The following GRK3 variants were observed in gnomAD, a reference collection of about 807,000 sequenced individuals.
The protein encoded by GRK3 is G protein-coupled receptor kinase 3.
A neutral mutation model predicts 95.7 loss-of-function variants in GRK3; 54 were observed. That is an observed-to-expected ratio of 0.56 (90% CI 0.45 to 0.71). The LOEUF is 0.71. Ranked by LOEUF, GRK3 falls within the 30% of genes least tolerant of loss-of-function variation. GRK3 has a pLI of 0.00. For synonymous variants in GRK3, 281 were observed against 290.8 expected (o/e 0.97, Z 0.34); for missense variants, 649 against 851.2 (o/e 0.76, Z 2.96).
rs1033137247 is a variant in GRK3 at position 25,723,830 on chromosome 22, T to A, written c.*1380T>A. 1 of 152,200 alleles carries A rather than the reference T, an allele frequency of 6.6e-6. No homozygotes were observed. Among genetic ancestry groups the A allele is most frequent in the Admixed American group, 6.5e-5 (1 of 15,278 alleles). The allele number at this position is 152,200 out of a possible 1,614,324, so 9.4% of individuals were successfully genotyped here. ...GATATTTTTAGCAGTTCCAAATCTT[T>A]GTTTTTGTATTTGTTTGCTGTGTTC... On this transcript the variant is annotated 3_prime_UTR_variant, in exon 21 of 21. Coordinates refer to ENST00000324198, the MANE Select transcript of GRK3 (RefSeq NM_005160.4).
chr22:25,686,129 G>A (rs892882120), intron 10 of GRK3, among the ~76,000 whole-genome samples: 1 of 151,844 alleles, frequency 6.6e-6, no homozygotes, highest in Non-Finnish European at 1.5e-5. Flanking sequence ...GGCTGAGGCA[G>A]GAGAATGGTG....
intron 1 of GRK3, among the ~76,000 whole-genome samples, chr22:25,584,933 C>A (rs1460298489): frequency 6.6e-6 from 1 of 152,292 alleles, no homozygotes; most frequent in Non-Finnish European, 1.5e-5. Context: ...CACGTCCAGG[C>A]CACACCACAG....
At chr22:25,662,739 G>A (rs1004323440) in intron 4 of GRK3, among the ~76,000 whole-genome samples, 2 of 152,158 alleles carry the variant, frequency 1.3e-5, no homozygotes, top group Admixed American at 1.3e-4. Context: ...AATGCCAGAT[G>A]TTCAATGGGA....
In GRK3 at chr22:25,565,031, G is replaced by A. The variant is rs1299007440; in HGVS notation, c.-10G>A. The A allele has an allele frequency of 1.5e-6, 2 of 1,372,996 alleles. No individual in the cohort carries two copies. The highest frequency in any genetic ancestry group is 1.9e-6 in the Non-Finnish European group (2 of 1,039,150). The allele number at this position is 1,372,996 out of a possible 1,614,324, so 85.1% of individuals were successfully genotyped here. On this transcript the variant is annotated 5_prime_UTR_variant, in exon 1 of 21. Transcript: ENST00000324198. Reference sequence around the variant, plus strand: ...AGTAACCGCCGCCGCCGCCGCCAAAGCTCGCCAACATGGCGGACCTGGAGG... The same window carrying A: ...AGTAACCGCCGCCGCCGCCGCCAAAACTCGCCAACATGGCGGACCTGGAGG...
rs1229955093 is a variant in GRK3, at chr22:25,680,917, T to TTCAC, written c.747+2007_747+2010dup. Among the ~76,000 whole-genome samples, 170 of 152,124 alleles carry TTCAC rather than the reference T, an allele frequency of 1.1e-3. 3 individuals are homozygous for TTCAC. Among genetic ancestry groups the TTCAC allele is most frequent in the Non-Finnish European group, 1.8e-4 (12 of 68,002 alleles). ...ATTGTGGACATGTAACTGAAATGCA[T>TTCAC]TCACTCACCACAGTTTTCTTTTTAC... is the stretch of plus-strand genomic sequence containing the variant. On this transcript the variant is annotated intron_variant, in intron 9 of 20. Transcript: ENST00000324198.
At chr22:25,712,766 A>G (rs552648782) in intron 17 of GRK3, among the ~76,000 whole-genome samples, 1 of 152,336 alleles carries the variant, frequency 6.6e-6, no homozygotes, top group South Asian at 2.1e-4. Flanking sequence ...CATATAGTCA[A>G]TGCTTGACAA....
chr22:25,713,878 A>C lies in GRK3; in HGVS notation c.1492-530A>C, dbSNP rs139878102. Among the ~76,000 whole-genome samples, 142 of 152,280 alleles carry C rather than the reference A, an allele frequency of 9.3e-4. No individual in the cohort carries two copies. The East Asian group carries it at 0.026, about 28-fold the overall frequency. ...CATATGATTATGATGTCAAACTGTA[A>C]ATAGTTGGAAGGTTCATGGAATTAA... On this transcript the variant is annotated intron_variant, in intron 17 of 20. Transcript: ENST00000324198.
At chr22:25,700,332 C>G (rs2085248416) in intron 13 of GRK3, among the ~76,000 whole-genome samples, 1 of 151,878 alleles carries the variant, frequency 6.6e-6, no homozygotes, top group Non-Finnish European at 1.5e-5. Context: ...TGATCTTCAC[C>G]TAGATTTAAG....
rs1012111728 is a variant in GRK3, at chr22:25,677,801, C to T, written c.648-1015C>T. On this transcript the variant is annotated intron_variant, in intron 8 of 20. Coordinates refer to ENST00000324198, the MANE Select transcript of GRK3 (RefSeq NM_005160.4). ...ACACAAGAACTTTCAGCCTGTGAAA[C>T]GTGTGAAAACACTTGCAAGAATTCC... Among the ~76,000 whole-genome samples, 4 of 152,182 alleles carry T rather than the reference C, an allele frequency of 2.6e-5. No individual in the cohort carries two copies. In the East Asian group the frequency reaches 7.7e-4, roughly 29 times the overall value.
intron 13 of GRK3, among the ~76,000 whole-genome samples, chr22:25,698,192 GGGAAGGAGGAAGGGAGGGAA>G (rs1456358107): frequency 1.3e-5 from 2 of 149,070 alleles, no homozygotes; most frequent in East Asian, 2.0e-4. Context: ...GAGAAAGAAA[GGGAAGGAGGAAGGGAGGGAA>G]GGAAGGAGGA....
At chr22:25,704,472 T>C (rs2085284201) in intron 15 of GRK3, among the ~76,000 whole-genome samples, 1 of 152,222 alleles carries the variant, frequency 6.6e-6, no homozygotes, top group Non-Finnish European at 1.5e-5. Context: ...TGCAGTGGCG[T>C]GATCTCAGCT....
intron 5 of GRK3, among the ~76,000 whole-genome samples, chr22:25,665,492 C>G (rs1276849410): frequency 6.6e-6 from 1 of 151,728 alleles, no homozygotes; most frequent in Non-Finnish European, 1.5e-5. Flanking sequence ...TCTTTCATAC[C>G]TTCAAAAAAC....
chr22:25,691,494 A>T (rs1443502022), intron 12 of GRK3, among the ~76,000 whole-genome samples: 1 of 152,208 alleles, frequency 6.6e-6, no homozygotes, highest in African/African-American at 2.4e-5. Flanking sequence ...CTGTAAACAT[A>T]TTTCTCTTTT....
At chr22:25,679,363 G>A (rs1045507800) in intron 9 of GRK3, among the ~76,000 whole-genome samples, 6 of 152,168 alleles carry the variant, frequency 3.9e-5, no homozygotes, top group East Asian at 1.9e-4. Context: ...CCTAGTCAGC[G>A]TTTCACTGGA....
intron 1 of GRK3, among the ~76,000 whole-genome samples, chr22:25,588,774 ATTTTT>A (rs569905752): frequency 1.4e-5 from 2 of 139,892 alleles, no homozygotes; most frequent in Non-Finnish European, 1.6e-5. Flanking sequence ...TAGTTCATTA[ATTTTT>A]TTTTTTTTTT....
intron 15 of GRK3, among the ~76,000 whole-genome samples, chr22:25,708,845 C>T (rs556035092): frequency 6.7e-6 from 1 of 148,542 alleles, no homozygotes; most frequent in Non-Finnish European, 1.5e-5. Context: ...GTATTTTAGT[C>T]GAGACAGGGT....
At chr22:25,722,246 TG>T (rs771468644) in intron 20 of GRK3, 42 bp from the exon 21 acceptor site, 1 of 1,602,698 alleles carries the variant, frequency 6.2e-7, no homozygotes, top group Non-Finnish European at 8.5e-7. Context: ...GTTGGCAAAA[TG>T]GGTGAGCCTG....
chr22:25,601,551 G>T (rs1418158447), intron 1 of GRK3, among the ~76,000 whole-genome samples: 2 of 152,114 alleles, frequency 1.3e-5, no homozygotes, highest in Non-Finnish European at 2.9e-5. Flanking sequence ...GGTTACATTA[G>T]AAATAATTTA....
intron 3 of GRK3, among the ~76,000 whole-genome samples, chr22:25,653,034 A>T (rs2084845691): frequency 6.6e-6 from 1 of 152,218 alleles, no homozygotes; most frequent in Admixed American, 6.5e-5. Flanking sequence ...TTCTTAGAAC[A>T]TATCCCTGTC....
Sources: gnomAD v4.1 joint callset for allele counts (sites outside exome capture counted in the v4.1 genomes callset) on GRCh38, gnomAD v4.1.1 for gene constraint, MANE v1.5 for transcripts, NCBI Gene and HGNC (gene_info 2026-07-23, HGNC 2026-07-21) for gene names.